MECOM: variants seen among roughly 807,000 people sequenced by gnomAD.
The protein encoded by MECOM is histone-lysine N-methyltransferase MECOM.
Under a neutral mutation model 116.3 loss-of-function variants are expected in MECOM, and 13 were observed. That is an observed-to-expected ratio of 0.11 (90% CI 0.07 to 0.18). MECOM has a LOEUF of 0.18. MECOM is among the 10% of genes least tolerant of loss of function. The pLI is 1.00. For missense variants in MECOM, 1,299 were observed against 1,509.0 expected (o/e 0.86, Z 2.31); for synonymous variants, 528 against 535.2 (o/e 0.99, Z 0.19).
intron 1 of MECOM, among the ~76,000 whole-genome samples, chr3:169,553,476 A>G (rs943862703): frequency 2.0e-5 from 3 of 152,208 alleles, no homozygotes; most frequent in Non-Finnish European, 4.4e-5. Context: ...GAGCATTTGA[A>G]TGAATTAGCA....
At chr3:169,287,509 A>C (rs1713569994) in intron 2 of MECOM, among the ~76,000 whole-genome samples, 2 of 152,180 alleles carry the variant, frequency 1.3e-5, no homozygotes, top group South Asian at 4.1e-4. Flanking sequence ...AAAATAAAAA[A>C]CAAAGCATAA....
At chr3:169,655,197 C>A (rs1231238800) in intron 1 of MECOM, among the ~76,000 whole-genome samples, 1 of 152,018 alleles carries the variant, frequency 6.6e-6, no homozygotes, top group African/African-American at 2.4e-5. Flanking sequence ...TCTTGAACTG[C>A]CAGTTTCCCA....
intron 1 of MECOM, among the ~76,000 whole-genome samples, chr3:169,626,441 T>G (rs1301928597): frequency 3.3e-5 from 5 of 152,210 alleles, no homozygotes; most frequent in African/African-American, 7.2e-5. Flanking sequence ...AACAGGAAAT[T>G]TAATTCATAA....
intron 1 of MECOM, among the ~76,000 whole-genome samples, chr3:169,585,990 A>G (rs945281901): frequency 1.3e-5 from 2 of 152,222 alleles, no homozygotes; most frequent in Admixed American, 6.5e-5. Flanking sequence ...TCATATTCCT[A>G]TGCAAGACTC....
At chr3:169,367,776 G>A (rs1729431295) in intron 2 of MECOM, among the ~76,000 whole-genome samples, 1 of 152,022 alleles carries the variant, frequency 6.6e-6, no homozygotes, top group Non-Finnish European at 1.5e-5. Context: ...TCTATTGGCA[G>A]TGGGTGGCAT....
At chr3:169,102,507 C>T (rs1048688959) in intron 10 of MECOM, among the ~76,000 whole-genome samples, 3 of 152,186 alleles carry the variant, frequency 2.0e-5, no homozygotes, top group East Asian at 3.9e-4. Context: ...CATTGAAATA[C>T]ATAAGAGAGC....
At chr3:169,581,176 A>C (rs768995839) in intron 1 of MECOM, among the ~76,000 whole-genome samples, 1 of 152,218 alleles carries the variant, frequency 6.6e-6, no homozygotes, top group Non-Finnish European at 1.5e-5. Flanking sequence ...AAAATGAAAC[A>C]AGAAAAGGAG....
intron 1 of MECOM, among the ~76,000 whole-genome samples, chr3:169,505,689 T>C (rs1021871569): frequency 2.0e-5 from 3 of 152,230 alleles, no homozygotes; most frequent in Non-Finnish European, 4.4e-5. Flanking sequence ...CTTAGCCATC[T>C]TGCACATCTG....
chr3:169,286,410 C>T (rs1018332735), intron 2 of MECOM, among the ~76,000 whole-genome samples: 2 of 152,140 alleles, frequency 1.3e-5, no homozygotes, highest in Non-Finnish European at 2.9e-5. Context: ...AACTTATCCT[C>T]GATGCAGAGC....
At chr3:169,562,977 T>C (rs1341176514) in intron 1 of MECOM, among the ~76,000 whole-genome samples, 2 of 150,958 alleles carry the variant, frequency 1.3e-5, no homozygotes, top group African/African-American at 2.4e-5. Context: ...GGCAGGAGAA[T>C]TGCTTGAACC....
At chr3:169,096,373 C>T (rs1420977915) in intron 12 of MECOM, among the ~76,000 whole-genome samples, 2 of 151,626 alleles carry the variant, frequency 1.3e-5, no homozygotes, top group Admixed American at 6.6e-5. Flanking sequence ...TGGGTTCAAG[C>T]GATTCTCCTG....
In MECOM at chr3:169,112,829, C is replaced by G; in HGVS notation, c.2535G>C (p.Glu845Asp). 6.2e-7 allele frequency: 1 copy of G among 1,613,220 alleles called. No individual in the cohort carries two copies. Among genetic ancestry groups the G allele is most frequent in the Non-Finnish European group, 8.5e-7 (1 of 1,179,464 alleles). ...ATCCTGGAGAAGGCCTCAAGTATTT[C>G]TCTTTTAAAGCTTCAAGTGGGTCAG... is the stretch of plus-strand genomic sequence containing the variant. ...KLTDPLEALK[E>D]KYLRPSPGFL... is the part of the protein sequence containing the mutation. The change falls in exon 9 of 17, where the codon GAG becomes GAC. Residue 845 changes from glutamate to aspartate, a missense_variant. Glu to Asp is a conservative substitution (Grantham distance 45). Coordinates refer to ENST00000651503, the MANE Select transcript of MECOM (RefSeq NM_004991.4).
At chr3:169,500,467 A>G (rs953294668) in intron 1 of MECOM, among the ~76,000 whole-genome samples, 2 of 152,060 alleles carry the variant, frequency 1.3e-5, no homozygotes, top group Non-Finnish European at 2.9e-5. Context: ...TATGGAGAAA[A>G]ACCAAATTTA....
chr3:169,177,919 CA>C (rs11297845), intron 2 of MECOM, among the ~76,000 whole-genome samples: 13,346 of 130,490 alleles, frequency 0.1, 641 homozygotes, highest in South Asian at 0.22. Context: ...GACTTGGTCT[CA>C]AAAAAAAAAA....
chr3:169,474,835 C>T (rs894916821), intron 1 of MECOM, among the ~76,000 whole-genome samples: 1 of 152,062 alleles, frequency 6.6e-6, no homozygotes, highest in African/African-American at 2.4e-5. Flanking sequence ...ACTTAACCAC[C>T]CATTATGATG....
In MECOM at chr3:169,109,162, C is replaced by A. The variant is rs191684955; in HGVS notation, c.2578-1210G>T. Among the ~76,000 whole-genome samples, 597 of 152,278 alleles carry A rather than the reference C, an allele frequency of 3.9e-3. 2 individuals carry two copies. The highest frequency in any genetic ancestry group is 6.4e-3 in the Non-Finnish European group (435 of 68,012). The stretch of plus-strand genomic sequence containing the variant: ...CAGTAATAACATTCCCTGCATCTTA[C>A]CTATTTGTGGCCATTCAACTCCTTT... On this transcript the variant is annotated intron_variant, in intron 9 of 16. Transcript: ENST00000651503.
At chr3:169,268,529 T>C (rs1182733472) in intron 2 of MECOM, among the ~76,000 whole-genome samples, 2 of 152,254 alleles carry the variant, frequency 1.3e-5, no homozygotes, top group African/African-American at 4.8e-5. Context: ...GCTGTGTTGT[T>C]CTTGTACTGA....
At chr3:169,353,659 A>C (rs1219035931) in intron 2 of MECOM, among the ~76,000 whole-genome samples, 3 of 151,878 alleles carry the variant, frequency 2.0e-5, no homozygotes, top group African/African-American at 7.2e-5. Flanking sequence ...GAGGGAAATA[A>C]TTTTAAAATT....
chr3:169,277,331 T>C (rs1363272368), intron 2 of MECOM, among the ~76,000 whole-genome samples: 5 of 152,174 alleles, frequency 3.3e-5, no homozygotes, highest in Non-Finnish European at 1.5e-5. Flanking sequence ...AGAAACACTT[T>C]CTTACTTAAG....
Sources: gnomAD v4.1 joint callset for allele counts (sites outside exome capture counted in the v4.1 genomes callset) on GRCh38, gnomAD v4.1.1 for gene constraint, MANE v1.5 for transcripts, NCBI Gene and HGNC (gene_info 2026-07-23, HGNC 2026-07-21) for gene names.